Variants in RAD51B observed in about 807,000 individuals in gnomAD.
The protein encoded by RAD51B is RAD51 paralog B.
Under a neutral mutation model 42.2 loss-of-function variants are expected in RAD51B, and 38 were observed. The ratio of observed to expected loss-of-function variants is 0.90; its 90% CI spans 0.70 to 1.18. The LOEUF is 1.18. Ranked by LOEUF, RAD51B falls within the 50% of genes most tolerant of loss-of-function variation. The probability of loss-of-function intolerance (pLI) is 0.00; values close to 1 mark genes in which losing one functional copy is unlikely to be tolerated. For missense variants in RAD51B, 373 were observed against 400.7 expected, an observed-to-expected ratio of 0.93 and a Z score of 0.59; for synonymous variants, 154 against 145.2, an observed-to-expected ratio of 1.06 and a Z score of -0.43.
At chr14:67,985,367 A>C (rs760674334) in intron 7 of RAD51B, among the ~76,000 whole-genome samples, 15 of 152,232 alleles carry the variant, frequency 9.9e-5, no homozygotes, top group Admixed American at 7.2e-4. Flanking sequence ...TAAGAGACTC[A>C]GCACAAAAGA....
intron 7 of RAD51B, among the ~76,000 whole-genome samples, chr14:68,193,783 G>A (rs1485756250): frequency 6.6e-6 from 1 of 152,162 alleles, no homozygotes; most frequent in Non-Finnish European, 1.5e-5. Context: ...AAGCTTTTCT[G>A]ATTGAATGTG....
At chr14:68,280,254 A>T (rs1282430757) in intron 7 of RAD51B, among the ~76,000 whole-genome samples, 1 of 152,182 alleles carries the variant, frequency 6.6e-6, no homozygotes, top group Non-Finnish European at 1.5e-5. Flanking sequence ...CATTTTGTAC[A>T]GTTTTTTCTT....
At chr14:68,675,633 C>G (rs527725979) in intron 11 of RAD51B, among the ~76,000 whole-genome samples, 1 of 152,330 alleles carries the variant, frequency 6.6e-6, no homozygotes, top group Non-Finnish European at 1.5e-5. Context: ...GAGGAATAAA[C>G]TGTCCTTCAA....
intron 7 of RAD51B, among the ~76,000 whole-genome samples, chr14:68,066,786 T>A (rs772614055): frequency 1.8e-4 from 27 of 152,142 alleles, no homozygotes; most frequent in Non-Finnish European, 2.4e-4. Flanking sequence ...ATATAAAATT[T>A]AAAAAATTTT....
chr14:67,978,355 G>T (rs2075032398), intron 7 of RAD51B, among the ~76,000 whole-genome samples: 2 of 152,022 alleles, frequency 1.3e-5, no homozygotes, highest in African/African-American at 4.8e-5. Flanking sequence ...ATATTTCTTT[G>T]GGAAAATAAA....
At chr14:68,312,256 C>T (rs1291978572) in intron 8 of RAD51B, among the ~76,000 whole-genome samples, 1 of 152,198 alleles carries the variant, frequency 6.6e-6, no homozygotes, top group African/African-American at 2.4e-5. Context: ...AGAGCAAAAT[C>T]GCAGTTCCCT....
chr14:68,367,034 A>G (rs1305825681), intron 8 of RAD51B, among the ~76,000 whole-genome samples: 2 of 152,216 alleles, frequency 1.3e-5, no homozygotes, highest in African/African-American at 4.8e-5. Flanking sequence ...CAACTGTAAC[A>G]TTTCACTCTC....
intron 7 of RAD51B, among the ~76,000 whole-genome samples, chr14:68,026,929 A>T (rs898103778): frequency 6.6e-5 from 10 of 152,014 alleles, no homozygotes; most frequent in African/African-American, 2.4e-4. Flanking sequence ...TAGTTGCTTT[A>T]TAGTGTATGT....
chr14:68,342,106 C>T (rs914586820), intron 8 of RAD51B, among the ~76,000 whole-genome samples: 1 of 152,204 alleles, frequency 6.6e-6, no homozygotes, highest in Non-Finnish European at 1.5e-5. Context: ...GACTCTATCA[C>T]ATGTTTATCT....
intron 7 of RAD51B, among the ~76,000 whole-genome samples, chr14:68,020,769 T>C (rs1355507067): frequency 6.6e-6 from 1 of 152,224 alleles, no homozygotes; most frequent in Non-Finnish European, 1.5e-5. Context: ...TATACTTTAC[T>C]GCAATTTAAA....
chr14:68,512,024 G>A (rs1426347551), intron 10 of RAD51B, among the ~76,000 whole-genome samples: 1 of 152,236 alleles, frequency 6.6e-6, no homozygotes. Flanking sequence ...AAGAAGGAAA[G>A]GACTTTTCCC....
chr14:68,512,267 CA>C (rs35378451), intron 10 of RAD51B, among the ~76,000 whole-genome samples: 27,364 of 152,160 alleles, frequency 0.18, 3,148 homozygotes, highest in Non-Finnish European at 0.26. Context: ...TCTCTGGATC[CA>C]AATTTGAGTG....
At chr14:68,171,354 A>G (rs993861425) in intron 7 of RAD51B, among the ~76,000 whole-genome samples, 2 of 152,054 alleles carry the variant, frequency 1.3e-5, no homozygotes, top group Admixed American at 6.6e-5. Flanking sequence ...TCTGGAGTGC[A>G]ATGGCAGCAA....
intron 8 of RAD51B, among the ~76,000 whole-genome samples, chr14:68,397,208 G>A (rs908576499): frequency 6.6e-5 from 10 of 152,306 alleles, no homozygotes; most frequent in Non-Finnish European, 1.3e-4. Flanking sequence ...ATCACTTTGC[G>A]GATGCTGGTC....
At chr14:67,895,088 T>C (rs1377135419) in intron 7 of RAD51B, among the ~76,000 whole-genome samples, 2 of 152,230 alleles carry the variant, frequency 1.3e-5, no homozygotes, top group East Asian at 3.8e-4. Context: ...GTTCCATTCT[T>C]ATTTAGAAAG....
At chr14:68,437,050 T>C (rs1251047386) in intron 9 of RAD51B, among the ~76,000 whole-genome samples, 1 of 152,218 alleles carries the variant, frequency 6.6e-6, no homozygotes, top group Non-Finnish European at 1.5e-5. Context: ...CTTCCAGTAC[T>C]ATGTTGAATA....
At chr14:68,642,364 C>T (rs1003222766) in intron 10 of RAD51B, among the ~76,000 whole-genome samples, 10 of 152,172 alleles carry the variant, frequency 6.6e-5, no homozygotes, top group African/African-American at 2.2e-4. Flanking sequence ...GAGTCCATTT[C>T]ATCTAGGTTA....
rs1335694597 is a variant in RAD51B at position 67,940,046 on chromosome 14, ATATATATATTTTTTTTTTTTTTTTTTTTT to A, written c.756+52844_756+52872del. ...TGCATATATATATATATATATATAT[ATATATATATTTTTTTTTTTTTTTTTTTTT>A]TTTTTTTTTTTTTTTTGAGATGGAA... On this transcript the variant is annotated intron_variant, in intron 7 of 10. Transcript: ENST00000471583. 8.4e-3 allele frequency among the ~76,000 whole-genome samples: 123 copies of A among 14,670 alleles called. 4 individuals carry two copies. The highest frequency in any genetic ancestry group is 0.018 in the African/African-American group (121 of 6,554). The allele number at this position is 14,670 out of a possible 152,430, so 9.6% of individuals were successfully genotyped here. A position where few individuals can be genotyped will look rare whatever the true frequency, so the allele number is the denominator to read the frequency against.
At chr14:68,511,681 C>T (rs957500099) in intron 10 of RAD51B, among the ~76,000 whole-genome samples, 4 of 152,130 alleles carry the variant, frequency 2.6e-5, no homozygotes, top group Admixed American at 1.3e-4. Context: ...GCTATTAAGG[C>T]GTGTTCAGAG....
Sources: gnomAD v4.1 joint callset for allele counts (sites outside exome capture counted in the v4.1 genomes callset) on GRCh38, gnomAD v4.1.1 for gene constraint, MANE v1.5 for transcripts, NCBI Gene and HGNC (gene_info 2026-07-23, HGNC 2026-07-21) for gene names.